Variants in CRMP1 observed in about 807,000 individuals in gnomAD.
The protein encoded by CRMP1 is dihydropyrimidinase-related protein 1.
A neutral mutation model predicts 68.3 loss-of-function variants in CRMP1; 19 were observed. The ratio of observed to expected loss-of-function variants is 0.28; its 90% CI spans 0.19 to 0.41. The LOEUF is 0.41. Among genes scored for constraint, CRMP1 ranks in the 10% least tolerant of loss-of-function variants. The pLI, the probability that CRMP1 is intolerant of heterozygous loss-of-function variation, is 1.00. For missense variants in CRMP1, 791 were observed against 967.4 expected (o/e 0.82, Z 2.42); for synonymous variants, 439 against 399.6 (o/e 1.10, Z -1.18).
chr4:5,878,594 G>A (rs1413927233), intron 1 of CRMP1, among the ~76,000 whole-genome samples: 1 of 152,080 alleles, frequency 6.6e-6, no homozygotes, highest in African/African-American at 2.4e-5. Flanking sequence ...ACAAAGAGGC[G>A]ATGTTTGGAT....
chr4:5,875,535 C>A (rs575579301), intron 1 of CRMP1, among the ~76,000 whole-genome samples: 1 of 152,204 alleles, frequency 6.6e-6, no homozygotes, highest in South Asian at 2.1e-4. Context: ...AGAGAAAAGA[C>A]TGTGACTATG....
Position 5,879,953 on chromosome 4 carries a change from T to C in CRMP1, c.381+12636A>G, listed in dbSNP as rs1307854960. On this transcript the variant is annotated intron_variant, in intron 1 of 13. Transcript: ENST00000324989. This position sits in a 1 kb window ranked among gnomAD's most constrained non-coding sequence, Gnocchi z 4.2. ...TCATGATAGAGGAGGAATAAAGAAT[T>C]GGAGTGGTTTTGGAAAAGAGAAGGT... Among the ~76,000 whole-genome samples the C allele has an allele frequency of 1.3e-5, 2 of 151,952 alleles. No individual in the cohort carries two copies. The highest frequency in any genetic ancestry group is 2.4e-5 in the African/African-American group (1 of 41,350).
At chr4:5,830,981 G>A (rs556628769) in intron 11 of CRMP1, among the ~76,000 whole-genome samples, 1 of 152,140 alleles carries the variant, frequency 6.6e-6, no homozygotes, top group African/African-American at 2.4e-5. Flanking sequence ...GTTGTTTTGA[G>A]ACAGGGTCTC....
At position 5,841,891 on chromosome 4, in the gene CRMP1, C is replaced by T. The variant is rs1711759832; in HGVS notation, c.1033-463G>A. ...CCTGATGAGGACATCAGAAAATGTC[C>T]TCAACTTGGCCAGGCACGGTGGCTC... On this transcript the variant is annotated intron_variant, in intron 7 of 13. Coordinates refer to ENST00000324989, the MANE Select transcript of CRMP1 (RefSeq NM_001014809.3). This position sits in a 1 kb window ranked among gnomAD's most constrained non-coding sequence, Gnocchi z 6.9. 6.6e-6 allele frequency among the ~76,000 whole-genome samples: 1 copy of T among 152,178 alleles called. No homozygotes were observed. The highest frequency in any genetic ancestry group is 6.5e-5 in the Admixed American group (1 of 15,274).
Position 5,890,744 on chromosome 4 carries a change from G to C in CRMP1, c.381+1845C>G, listed in dbSNP as rs533435541. On this transcript the variant is annotated intron_variant, in intron 1 of 13. Transcript: ENST00000324989. The surrounding 1 kb of genome is among the most constrained non-coding windows in gnomAD (Gnocchi z 5.5). ...AAGCGACCAGCGTCCCCAAGGGTCAGGGCGCAGCTGCGGGGCTGGCCCAGG... is the reference window on the plus strand; with the variant it reads ...AAGCGACCAGCGTCCCCAAGGGTCACGGCGCAGCTGCGGGGCTGGCCCAGG... 6.6e-6 allele frequency among the ~76,000 whole-genome samples: 1 copy of C among 152,312 alleles called. No individual in the cohort carries two copies. The highest frequency in any genetic ancestry group is 1.9e-4 in the East Asian group (1 of 5,146).
rs181165341 is a variant in CRMP1, at chr4:5,849,991, T to A, written c.883-519A>T. Among the ~76,000 whole-genome samples, 10 of 152,156 alleles carry A rather than the reference T, an allele frequency of 6.6e-5. No individual in the cohort carries two copies. In the East Asian group the frequency reaches 1.9e-3, roughly 29 times the overall value. ...TGGGGGAAACCAGCTCTCTAATAAC[T>A]CCAATACTCAGAAAATATATAGCAT... is the stretch of plus-strand genomic sequence containing the variant. On this transcript the variant is annotated intron_variant, in intron 5 of 13. Coordinates refer to ENST00000324989, the MANE Select transcript of CRMP1 (RefSeq NM_001014809.3).
rs1393998120 is a variant in CRMP1 at position 5,877,082 on chromosome 4, G to A, written c.382-10326C>T. On this transcript the variant is annotated intron_variant, in intron 1 of 13. Coordinates refer to ENST00000324989, the MANE Select transcript of CRMP1 (RefSeq NM_001014809.3). This position sits in a 1 kb window ranked among gnomAD's most constrained non-coding sequence, Gnocchi z 4.3. ...CAGATGGGTTCAGCTTTCCCTGACA[G>A]TCCACCTCCTGCCATGAAAACCACA... is the stretch of plus-strand genomic sequence containing the variant. Among the ~76,000 whole-genome samples the A allele has an allele frequency of 6.6e-6, 1 of 152,120 alleles. No homozygotes were observed. Among genetic ancestry groups the A allele is most frequent in the African/African-American group, 2.4e-5 (1 of 41,410 alleles).
rs906340593 is a variant in CRMP1 at position 5,883,394 on chromosome 4, G to C, written c.381+9195C>G. Reference sequence around the variant, plus strand: ...AGCTCACTGCAACCTCTGCCTCCCAGGTTCAAGCAATTTCTCCTGCCTCAG... The same window carrying C: ...AGCTCACTGCAACCTCTGCCTCCCACGTTCAAGCAATTTCTCCTGCCTCAG... On this transcript the variant is annotated intron_variant, in intron 1 of 13. Coordinates refer to ENST00000324989, the MANE Select transcript of CRMP1 (RefSeq NM_001014809.3). This position sits in a 1 kb window ranked among gnomAD's most constrained non-coding sequence, Gnocchi z 4.5. Among the ~76,000 whole-genome samples the C allele has an allele frequency of 6.6e-6, 1 of 151,952 alleles. No individual in the cohort carries two copies. Among genetic ancestry groups the C allele is most frequent in the Non-Finnish European group, 1.5e-5 (1 of 68,008 alleles).
At position 5,825,859 on chromosome 4, in the gene CRMP1, G is replaced by T; in HGVS notation, c.1804-200C>A. 7.2e-6 allele frequency: 4 copies of T among 559,112 alleles called. No homozygotes were observed. The highest frequency in any genetic ancestry group is 2.3e-5 in the South Asian group (1 of 42,896). The allele number at this position is 559,112 out of a possible 1,614,324, so 34.6% of individuals were successfully genotyped here. ...CACAGGCATTCATACACACAAGCATGCATACACACACATCTACATACCCAC... is the reference window on the plus strand; with the variant it reads ...CACAGGCATTCATACACACAAGCATTCATACACACACATCTACATACCCAC... On this transcript the variant is annotated intron_variant, in intron 12 of 13. Coordinates refer to ENST00000324989, the MANE Select transcript of CRMP1 (RefSeq NM_001014809.3). This position sits in a 1 kb window ranked among gnomAD's most constrained non-coding sequence, Gnocchi z 4.4.
In CRMP1 at chr4:5,834,516, A is replaced by C. The variant is rs1720594847; in HGVS notation, c.1623+1399T>G. Among the ~76,000 whole-genome samples the C allele has an allele frequency of 6.6e-6, 1 of 152,170 alleles. No individual in the cohort carries two copies. The highest frequency in any genetic ancestry group is 1.5e-5 in the Non-Finnish European group (1 of 68,032). On this transcript the variant is annotated intron_variant, in intron 11 of 13. Coordinates refer to ENST00000324989, the MANE Select transcript of CRMP1 (RefSeq NM_001014809.3). The surrounding 1 kb of genome is among the most constrained non-coding windows in gnomAD (Gnocchi z 4.3). ...GCCAGATGCCGGCATTTTAATACTG[A>C]AATTCCCAGCCTCCAGAACCGTGAG...
Position 5,833,235 on chromosome 4 carries a change from C to T in CRMP1, c.1623+2680G>A, listed in dbSNP as rs545368556. ...AGGCTGGAGTGCAGTGGTGGGATCT[C>T]GGCTCACCGCAAGCTCCGCCTCCCG... is the stretch of plus-strand genomic sequence containing the variant. On this transcript the variant is annotated intron_variant, in intron 11 of 13. Coordinates refer to ENST00000324989, the MANE Select transcript of CRMP1 (RefSeq NM_001014809.3). Among the ~76,000 whole-genome samples, 4 of 128,702 alleles carry T rather than the reference C, an allele frequency of 3.1e-5. 1 individual carries two copies. The highest frequency in any genetic ancestry group is 6.3e-5 in the African/African-American group (2 of 31,922). The allele number at this position is 128,702 out of a possible 152,430, so 84.4% of individuals were successfully genotyped here.
chr4:5,827,846 C>A (rs577829612), intron 12 of CRMP1, among the ~76,000 whole-genome samples: 2 of 152,138 alleles, frequency 1.3e-5, no homozygotes, highest in African/African-American at 4.8e-5. Context: ...ATGTTGGCCA[C>A]GGGCGGGAGT....
At chr4:5,845,146 C>A (rs1712095186) in intron 6 of CRMP1, among the ~76,000 whole-genome samples, 1 of 152,184 alleles carries the variant, frequency 6.6e-6, no homozygotes, top group Non-Finnish European at 1.5e-5. Context: ...TTAAAATCAG[C>A]TAAGATTTGT....
At chr4:5,828,768 C>T (rs1577740567) in intron 11 of CRMP1, 100 bp from the exon 12 acceptor site, 2 of 1,378,488 alleles carry the variant, frequency 1.5e-6, no homozygotes, top group East Asian at 4.9e-5. Flanking sequence ...TAAGCGTGTT[C>T]CAATGTTTTT....
At position 5,856,277 on chromosome 4, in the gene CRMP1, C is replaced by A; in HGVS notation, c.686G>T (p.Ser229Ile). ...IDHVVPEPGS[S>I]LLTSFEKWHE... ...CCACTTCTCGAAAGAGGTCAGTAGG[C>A]TGGACCCAGGTTCAGGAACAACATG... Residue 229 changes from serine to isoleucine, a missense_variant, in exon 4 of 14, where the codon AGC (serine) becomes ATC (isoleucine). Transcript: ENST00000324989. The A allele has an allele frequency of 1.2e-6, 2 of 1,613,818 alleles. No homozygotes were observed. The highest frequency in any genetic ancestry group is 1.7e-6 in the Non-Finnish European group (2 of 1,179,836).
rs1345251056 is a variant in CRMP1, at chr4:5,859,595, G to A, written c.655+1431C>T. Among the ~76,000 whole-genome samples the A allele has an allele frequency of 6.6e-6, 1 of 152,236 alleles. No homozygotes were observed. The highest frequency in any genetic ancestry group is 1.5e-5 in the Non-Finnish European group (1 of 68,044). On this transcript the variant is annotated intron_variant, in intron 3 of 13. Coordinates refer to ENST00000324989, the MANE Select transcript of CRMP1 (RefSeq NM_001014809.3). This position sits in a 1 kb window ranked among gnomAD's most constrained non-coding sequence, Gnocchi z 5.2. ...GGAAGCTGAGGCTCAGAGAGGCTGA[G>A]TGCTGGCCACAGTCATGCAGTTGCC...
Position 5,825,898 on chromosome 4 carries a change from C to T in CRMP1, c.1804-239G>A. ...CTACATACCCACATGCATACACATACAGACGCACACACCACGCACACGCAC... is the reference window on the plus strand; with the variant it reads ...CTACATACCCACATGCATACACATATAGACGCACACACCACGCACACGCAC... On this transcript the variant is annotated intron_variant, in intron 12 of 13. Coordinates refer to ENST00000324989, the MANE Select transcript of CRMP1 (RefSeq NM_001014809.3). The surrounding 1 kb of genome is among the most constrained non-coding windows in gnomAD (Gnocchi z 4.4). The T allele has an allele frequency of 3.8e-6, 2 of 523,890 alleles. No individual in the cohort carries two copies. Among genetic ancestry groups the T allele is most frequent in the South Asian group, 5.1e-5 (2 of 39,334 alleles). 32.5% of individuals were successfully genotyped at this position (523,890 alleles called of 1,614,324 possible).
intron 1 of CRMP1, among the ~76,000 whole-genome samples, chr4:5,886,679 C>G (rs1192309637): frequency 6.6e-6 from 1 of 152,270 alleles, no homozygotes; most frequent in Non-Finnish European, 1.5e-5. Flanking sequence ...CCCAGAACTC[C>G]TGACTCCTGA....
intron 12 of CRMP1, among the ~76,000 whole-genome samples, chr4:5,827,279 G>A (rs550935276): frequency 6.6e-6 from 1 of 152,336 alleles, no homozygotes; most frequent in South Asian, 2.1e-4. Flanking sequence ...GTCCCAGCCA[G>A]GGATTTCCAT....
Sources: gnomAD v4.1 joint callset for allele counts (sites outside exome capture counted in the v4.1 genomes callset) on GRCh38, gnomAD v4.1.1 for gene constraint, Gnocchi (gnomAD v3.1) non-coding constraint, MANE v1.5 for transcripts, NCBI Gene and HGNC (gene_info 2026-07-23, HGNC 2026-07-21) for gene names.